The following DLGAP1 variants were observed in gnomAD, a reference collection of about 807,000 sequenced individuals.
The protein encoded by DLGAP1 is disks large-associated protein 1.
In DLGAP1, 11 loss-of-function variants were observed where a neutral mutation model predicts 90.8. The observed-to-expected ratio is 0.12, with a 90% CI of 0.08 to 0.20. The LOEUF is 0.20. Among genes scored for constraint, DLGAP1 ranks in the 10% least tolerant of loss-of-function variants. The pLI, the probability that DLGAP1 is intolerant of heterozygous loss-of-function variation, is 1.00. For missense variants in DLGAP1, 1,050 were observed against 1,333.8 expected (o/e 0.79, Z 3.31); for synonymous variants, 558 against 540.7 (o/e 1.03, Z -0.44).
At chr18:3,929,802 A>G (rs1308808223) in intron 3 of DLGAP1, among the ~76,000 whole-genome samples, 1 of 152,226 alleles carries the variant, frequency 6.6e-6, no homozygotes, top group African/African-American at 2.4e-5. Context: ...CTGTTCGTCT[A>G]AATTTTTTCT....
In DLGAP1 at chr18:3,807,374, T is replaced by G. The variant is rs866214253; in HGVS notation, c.1172+6685A>C. On this transcript the variant is annotated intron_variant, in intron 5 of 12. Coordinates refer to ENST00000315677, the MANE Select transcript of DLGAP1 (RefSeq NM_004746.4). ...GTCCAGCTTTTTATCTTTTCTGGTT[T>G]CAACACCTGGGCTCAAATCTTAGCT... Among the ~76,000 whole-genome samples the G allele has an allele frequency of 5.3e-5, 8 of 152,312 alleles. 1 individual carries two copies. Among genetic ancestry groups the G allele is most frequent in the Middle Eastern group, 3.4e-3 (1 of 294 alleles).
chr18:4,157,104 T>A (rs891418924), intron 1 of DLGAP1, among the ~76,000 whole-genome samples: 1 of 152,084 alleles, frequency 6.6e-6, no homozygotes, highest in South Asian at 2.1e-4. Flanking sequence ...CGGGGACATG[T>A]CTTGTCTGAG....
chr18:3,868,125 G>T (rs2070519100), intron 4 of DLGAP1, among the ~76,000 whole-genome samples: 1 of 152,198 alleles, frequency 6.6e-6, no homozygotes, highest in African/African-American at 2.4e-5. Context: ...TTGACTAAAA[G>T]TGTCTGCTCA....
intron 7 of DLGAP1, among the ~76,000 whole-genome samples, chr18:3,584,740 G>T (rs2055772696): frequency 6.6e-6 from 1 of 152,138 alleles, no homozygotes. Flanking sequence ...GTTGACTCAT[G>T]AAACACACAA....
intron 7 of DLGAP1, among the ~76,000 whole-genome samples, chr18:3,589,048 C>A (rs375156295): frequency 1.3e-5 from 2 of 151,744 alleles, no homozygotes; most frequent in Non-Finnish European, 2.9e-5. Context: ...ATTAACCCAG[C>A]GTGGTGGCAG....
intron 1 of DLGAP1, among the ~76,000 whole-genome samples, chr18:4,157,873 T>C (rs145887268): frequency 6.6e-6 from 1 of 152,270 alleles, no homozygotes; most frequent in African/African-American, 2.4e-5. Context: ...GAACCAGAAC[T>C]TCCTTCAACC....
rs201156470 is a variant in DLGAP1, at chr18:3,772,260, TTC to T, written c.1173-29750_1173-29749del. Among the ~76,000 whole-genome samples the T allele has an allele frequency of 2.7e-3, 412 of 150,666 alleles. 4 individuals are homozygous for T. Among genetic ancestry groups the T allele is most frequent in the African/African-American group, 4.6e-3 (190 of 41,030 alleles). The stretch of plus-strand genomic sequence containing the variant: ...CTCCTTCCTTCTTTCCTTCCTTTCT[TTC>T]TCTCTTTCCTTCCTTTCTCTCCTTT... On this transcript the variant is annotated intron_variant, in intron 5 of 12. Coordinates refer to ENST00000315677, the MANE Select transcript of DLGAP1 (RefSeq NM_004746.4).
chr18:4,305,257 G>A (rs931397784), intron 1 of DLGAP1, among the ~76,000 whole-genome samples: 4 of 151,322 alleles, frequency 2.6e-5, no homozygotes, highest in Non-Finnish European at 3.0e-5. Flanking sequence ...AAAACCAGCC[G>A]GGCGTGGTGG....
chr18:4,397,454 A>T (rs2082464139), intron 1 of DLGAP1, among the ~76,000 whole-genome samples: 1 of 152,190 alleles, frequency 6.6e-6, no homozygotes, highest in Non-Finnish European at 1.5e-5. Context: ...ATATCAAAGC[A>T]CTTCTTGGAT....
chr18:3,703,164 C>T (rs528809870), intron 7 of DLGAP1, among the ~76,000 whole-genome samples: 1 of 152,238 alleles, frequency 6.6e-6, no homozygotes, highest in Non-Finnish European at 1.5e-5. Flanking sequence ...TTCCAAATTC[C>T]AGAATCTTTG....
rs1460414 is a variant in DLGAP1, at chr18:3,665,683, G to A, written c.1591+63452C>T. Among the ~76,000 whole-genome samples the A allele has an allele frequency of 5.8e-3, 887 of 152,246 alleles. 7 individuals carry two copies. Among genetic ancestry groups the A allele is most frequent in the African/African-American group, 0.02 (851 of 41,540 alleles). ...AGTAGGCTTCCAAAGGGAGAAAAGA[G>A]GATTTCCATTTCTGCATAATATTCT... is the stretch of plus-strand genomic sequence containing the variant. On this transcript the variant is annotated intron_variant, in intron 7 of 12. Transcript: ENST00000315677.
At chr18:4,221,300 C>A (rs1226568093) in intron 1 of DLGAP1, among the ~76,000 whole-genome samples, 1 of 152,062 alleles carries the variant, frequency 6.6e-6, no homozygotes, top group Non-Finnish European at 1.5e-5. Context: ...TAAAAAAATT[C>A]TCTCAACTTA....
chr18:4,234,103 ATTT>A (rs200080373), intron 1 of DLGAP1, among the ~76,000 whole-genome samples: 1 of 138,760 alleles, frequency 7.2e-6, no homozygotes, highest in Non-Finnish European at 1.6e-5. Flanking sequence ...CTTTTTTGCT[ATTT>A]TTTTTTTTTT....
intron 2 of DLGAP1, among the ~76,000 whole-genome samples, chr18:4,103,610 G>T (rs1057125672): frequency 9.9e-5 from 15 of 152,068 alleles, no homozygotes; most frequent in African/African-American, 3.4e-4. Context: ...TAACTGTAGT[G>T]ACTAGGAATT....
At chr18:3,683,220 A>G (rs1356976156) in intron 7 of DLGAP1, among the ~76,000 whole-genome samples, 1 of 152,180 alleles carries the variant, frequency 6.6e-6, no homozygotes, top group Non-Finnish European at 1.5e-5. Flanking sequence ...GCTCTTACTG[A>G]TCAGTTACAG....
intron 3 of DLGAP1, among the ~76,000 whole-genome samples, chr18:3,912,376 A>T (rs1481810891): frequency 1.3e-5 from 2 of 152,046 alleles, no homozygotes; most frequent in East Asian, 3.9e-4. Context: ...CTAGTCGGGG[A>T]GACTGACCTA....
intron 2 of DLGAP1, among the ~76,000 whole-genome samples, chr18:4,107,537 G>A (rs1231495912): frequency 1.3e-5 from 2 of 152,154 alleles, no homozygotes; most frequent in Non-Finnish European, 2.9e-5. Flanking sequence ...TTCTTTCTGG[G>A]GGGATGAAAT....
At chr18:3,804,467 G>T (rs1217842923) in intron 5 of DLGAP1, among the ~76,000 whole-genome samples, 1 of 152,128 alleles carries the variant, frequency 6.6e-6, no homozygotes, top group Non-Finnish European at 1.5e-5. Context: ...CAATACTAGG[G>T]ATGGCTGCGT....
intron 9 of DLGAP1, among the ~76,000 whole-genome samples, chr18:3,558,759 A>C (rs2053905164): frequency 6.6e-6 from 1 of 151,898 alleles, no homozygotes; most frequent in Non-Finnish European, 1.5e-5. Context: ...ATCTGTCTTT[A>C]TATTTAAAGT....
Sources: gnomAD v4.1 joint callset for allele counts (sites outside exome capture counted in the v4.1 genomes callset) on GRCh38, gnomAD v4.1.1 for gene constraint, MANE v1.5 for transcripts, NCBI Gene and HGNC (gene_info 2026-07-23, HGNC 2026-07-21) for gene names.